The following DNAH14 variants were observed in gnomAD, a reference collection of about 807,000 sequenced individuals.
The protein encoded by DNAH14 is dynein axonemal heavy chain 14, also known as axonemal beta dynein heavy chain 14.
In DNAH14, 478 loss-of-function variants were observed where a neutral mutation model predicts 520.9. That is an observed-to-expected ratio of 0.92 (90% CI 0.85 to 0.99). The LOEUF is 0.99. DNAH14 is among the 50% of genes least tolerant of loss of function. DNAH14 has a pLI of 0.00. For missense variants in DNAH14, 4,831 were observed against 5,234.5 expected (o/e 0.92, Z 2.38); for synonymous variants, 1,581 against 1,757.2 (o/e 0.90, Z 2.51).
Position 225,368,445 on chromosome 1 carries a change from G to A in DNAH14, c.12318+413G>A, listed in dbSNP as rs553716227. Among the ~76,000 whole-genome samples the A allele has an allele frequency of 7.2e-5, 11 of 152,268 alleles. No individual in the cohort carries two copies. The South Asian group carries it at 2.3e-3, about 32-fold the overall frequency. Reference sequence around the variant, plus strand: ...TATAAAAATGTTTGTTTGTTGGTACGACTTATTCATTAAAAGCAAGAGAGA... The same window carrying A: ...TATAAAAATGTTTGTTTGTTGGTACAACTTATTCATTAAAAGCAAGAGAGA... On this transcript the variant is annotated intron_variant, in intron 77 of 85. Transcript: ENST00000682510.
intron 11 of DNAH14, among the ~76,000 whole-genome samples, chr1:225,033,094 T>G (rs1043965368): frequency 2.6e-5 from 4 of 152,216 alleles, no homozygotes; most frequent in Non-Finnish European, 5.9e-5. Context: ...AGATCCTGTT[T>G]GTCAATTTTT....
intron 20 of DNAH14, among the ~76,000 whole-genome samples, chr1:225,083,058 A>G (rs561090954): frequency 1.3e-5 from 2 of 152,264 alleles, no homozygotes; most frequent in South Asian, 4.1e-4. Context: ...GGAAATATCA[A>G]AACTATTGTA....
chr1:225,121,071 A>G (rs1289462368), intron 26 of DNAH14, among the ~76,000 whole-genome samples: 1 of 152,196 alleles, frequency 6.6e-6, no homozygotes, highest in African/African-American at 2.4e-5. Flanking sequence ...CCAACTAAAG[A>G]TATTTCATCC....
intron 7 of DNAH14, among the ~76,000 whole-genome samples, chr1:224,972,923 A>G (rs1052851719): frequency 6.6e-6 from 1 of 152,182 alleles, no homozygotes; most frequent in Non-Finnish European, 1.5e-5. Context: ...GTTTTACCTC[A>G]TGAAACTTTT....
intron 38 of DNAH14, among the ~76,000 whole-genome samples, chr1:225,199,657 T>C (rs767373236): frequency 6.6e-6 from 1 of 152,206 alleles, no homozygotes; most frequent in Non-Finnish European, 1.5e-5. Context: ...AAGGTTCCTT[T>C]TGGACTTGAT....
intron 43 of DNAH14, among the ~76,000 whole-genome samples, chr1:225,249,023 C>A (rs1401659727): frequency 2.0e-5 from 3 of 152,274 alleles, no homozygotes; most frequent in East Asian, 3.9e-4. Flanking sequence ...TTAGCACTGG[C>A]AAACACCTTC....
chr1:225,165,670 C>T (rs898220778), intron 35 of DNAH14, among the ~76,000 whole-genome samples: 10 of 151,870 alleles, frequency 6.6e-5, no homozygotes, highest in Non-Finnish European at 1.2e-4. Flanking sequence ...ACTGCAGCCT[C>T]GACCTCGGGC....
chr1:224,962,062 G>T (rs1345821468), intron 4 of DNAH14, among the ~76,000 whole-genome samples: 2 of 152,198 alleles, frequency 1.3e-5, no homozygotes, highest in East Asian at 3.9e-4. Flanking sequence ...ATATAGAGAA[G>T]ATAATTTAGT....
chr1:225,367,599 G>A (rs554086868), intron 76 of DNAH14, among the ~76,000 whole-genome samples: 10 of 152,276 alleles, frequency 6.6e-5, no homozygotes, highest in Admixed American at 1.3e-4. Flanking sequence ...AATATGAATC[G>A]GAACAATAGA....
intron 21 of DNAH14, among the ~76,000 whole-genome samples, chr1:225,092,441 T>C (rs2074481892): frequency 6.6e-6 from 1 of 152,066 alleles, no homozygotes; most frequent in Non-Finnish European, 1.5e-5. Flanking sequence ...ATTGGGTAAA[T>C]AATGAAATTA....
chr1:225,133,583 A>G (rs544839120), intron 27 of DNAH14, among the ~76,000 whole-genome samples: 3 of 152,198 alleles, frequency 2.0e-5, no homozygotes, highest in Admixed American at 1.3e-4. Context: ...ACATTGGTCT[A>G]TGTGTCTGTT....
At chr1:225,295,485 T>A (rs1410227152) in intron 55 of DNAH14, among the ~76,000 whole-genome samples, 2 of 152,172 alleles carry the variant, frequency 1.3e-5, no homozygotes, top group Non-Finnish European at 2.9e-5. Context: ...TAAATTTCAT[T>A]CTTAATTTCT....
At chr1:225,304,752 T>G (rs767736811) in intron 57 of DNAH14, among the ~76,000 whole-genome samples, 156 bp from the exon 58 acceptor site, 2 of 152,126 alleles carry the variant, frequency 1.3e-5, no homozygotes, top group Non-Finnish European at 2.9e-5. Context: ...CCATCAAAAC[T>G]CATATTTTCT....
At chr1:225,392,163 C>A in intron 83 of DNAH14, 128 bp from the exon 84 acceptor site, 1 of 1,188,176 alleles carries the variant, frequency 8.4e-7, no homozygotes, top group Non-Finnish European at 1.2e-6. Flanking sequence ...CCCGCCCAGC[C>A]CATCTCTTTT....
At chr1:224,986,199 A>T (rs1202436932) in intron 8 of DNAH14, among the ~76,000 whole-genome samples, 1 of 152,038 alleles carries the variant, frequency 6.6e-6, no homozygotes, top group Non-Finnish European at 1.5e-5. Context: ...CAAACATTTA[A>T]GGAAGAACTA....
At chr1:225,067,911 G>A (rs2071086899) in intron 17 of DNAH14, among the ~76,000 whole-genome samples, 1 of 152,060 alleles carries the variant, frequency 6.6e-6, no homozygotes, top group South Asian at 2.1e-4. Context: ...TGTTTACTCT[G>A]TTGATAGTCT....
chr1:225,389,553 C>CTTTT (rs1053020403), intron 82 of DNAH14, among the ~76,000 whole-genome samples, 181 bp from the exon 83 acceptor site: 2 of 152,212 alleles, frequency 1.3e-5, no homozygotes, highest in African/African-American at 4.8e-5. Context: ...TTGTGGTCCC[C>CTTTT]TTTTCCCTCA....
chr1:225,010,706 C>T (rs1250314555), intron 10 of DNAH14, among the ~76,000 whole-genome samples: 2 of 152,212 alleles, frequency 1.3e-5, no homozygotes, highest in South Asian at 4.2e-4. Flanking sequence ...TAGAATTCAG[C>T]TGTGATTCCA....
intron 7 of DNAH14, among the ~76,000 whole-genome samples, chr1:224,971,620 C>T (rs978149142): frequency 1.3e-5 from 2 of 152,126 alleles, no homozygotes; most frequent in African/African-American, 4.8e-5. Context: ...TGCATTGCTT[C>T]TTTAGATAGG....
Sources: allele counts gnomAD v4.1 joint callset (sites outside exome capture counted in the v4.1 genomes callset), GRCh38; gene constraint gnomAD v4.1.1; transcripts MANE v1.5; gene names NCBI Gene and HGNC (gene_info 2026-07-23, HGNC 2026-07-21).